Variants in YIPF4 observed in about 807,000 individuals in gnomAD.
YIPF4 encodes protein YIPF4.
YIPF4 carries 18 observed loss-of-function variants against 29.4 expected under a neutral mutation model. That is an observed-to-expected ratio of 0.61 (90% CI 0.42 to 0.91). The LOEUF is 0.91. YIPF4 is among the 40% of genes least tolerant of loss of function. YIPF4 has a pLI of 0.00. For synonymous variants in YIPF4, 115 were observed against 104.7 expected (o/e 1.10, Z -0.60); for missense variants, 279 against 282.7 (o/e 0.99, Z 0.09).
Position 32,306,985 on chromosome 2 carries a change from TTTC to T in YIPF4, c.*1360_*1362del, listed in dbSNP as rs1283643165. The T allele has an allele frequency of 1.7e-6, 1 of 596,218 alleles. No individual in the cohort carries two copies. Among genetic ancestry groups the T allele is most frequent in the East Asian group, 8.2e-5 (1 of 12,204 alleles). The allele number at this position is 596,218 out of a possible 1,614,324, so 36.9% of individuals were successfully genotyped here. A position where few individuals can be genotyped will look rare whatever the true frequency, so the allele number is the denominator to read the frequency against. ...GTGTTATCAAGCCCAGCCGTCTTCC[TTTC>T]CCCTAATCCCAAAAGGAAAGAAAGA... On this transcript the variant is annotated 3_prime_UTR_variant, in exon 6 of 6. Transcript: ENST00000238831.
At chr2:32,297,331 G>A (rs1229275042) in intron 3 of YIPF4, among the ~76,000 whole-genome samples, 3 of 151,880 alleles carry the variant, frequency 2.0e-5, no homozygotes, top group African/African-American at 7.3e-5. Flanking sequence ...ATGTTGGTCA[G>A]GCTGGTCTTG....
At chr2:32,279,201 G>A (rs927311712) in intron 1 of YIPF4, among the ~76,000 whole-genome samples, 1 of 151,918 alleles carries the variant, frequency 6.6e-6, no homozygotes, top group Non-Finnish European at 1.5e-5. Flanking sequence ...TCGATCTCCT[G>A]ACCTCGTGAT....
chr2:32,311,379 T>C lies in YIPF4; in HGVS notation c.*5753T>C, dbSNP rs1208920945. 6.6e-6 allele frequency: 1 copy of C among 152,144 alleles called. No individual in the cohort carries two copies. Among genetic ancestry groups the C allele is most frequent in the East Asian group, 1.9e-4 (1 of 5,192 alleles). The allele number at this position is 152,144 out of a possible 1,614,324, so 9.4% of individuals were successfully genotyped here. On this transcript the variant is annotated 3_prime_UTR_variant, in exon 6 of 6. Coordinates refer to ENST00000238831, the MANE Select transcript of YIPF4 (RefSeq NM_032312.4). ...TCTTTTGATATGCTGAGGTTACAGT[T>C]TGGAGGTTACATTAGAGAAAGAATA...
chr2:32,279,222 C>T (rs913231947), intron 1 of YIPF4, among the ~76,000 whole-genome samples: 13 of 152,128 alleles, frequency 8.5e-5, no homozygotes, highest in Non-Finnish European at 1.6e-4. Context: ...CCGCCCGCCT[C>T]GGCCTCCCAA....
rs1307331906 is a variant in YIPF4, at chr2:32,307,556, T to A, written c.*1930T>A. ...ACTTAGGGTTTCTATAAATACAAAT[T>A]ACAATGTTTCGAACTCAACCAGTAT... On this transcript the variant is annotated 3_prime_UTR_variant, in exon 6 of 6. Coordinates refer to ENST00000238831, the MANE Select transcript of YIPF4 (RefSeq NM_032312.4). The A allele has an allele frequency of 1.3e-5, 2 of 153,370 alleles. No homozygotes were observed. Among genetic ancestry groups the A allele is most frequent in the Non-Finnish European group, 2.9e-5 (2 of 68,922 alleles). The allele number at this position is 153,370 out of a possible 1,614,324, so 9.5% of individuals were successfully genotyped here.
chr2:32,301,563 C>G (rs1259122006), intron 5 of YIPF4, 68 bp downstream of exon 5: 3 of 1,061,134 alleles, frequency 2.8e-6, no homozygotes, highest in Non-Finnish European at 4.2e-6. Flanking sequence ...AGGCCTCTAG[C>G]TAGGAATATT....
chr2:32,278,267 G>A (rs2030202881), intron 1 of YIPF4, 33 bp downstream of exon 1: 2 of 1,528,644 alleles, frequency 1.3e-6, no homozygotes, highest in African/African-American at 1.4e-5. Flanking sequence ...GCTATCACCC[G>A]GAGGAAGCCA....
In YIPF4 at chr2:32,290,936, T is replaced by G. The variant is rs1422308787; in HGVS notation, c.233+300T>G. The G allele has an allele frequency of 6.2e-5, 10 of 161,744 alleles. No homozygotes were observed. In the Admixed American group the frequency reaches 6.4e-4, roughly 10 times the overall value. 10.0% of individuals were successfully genotyped at this position (161,744 alleles called of 1,614,324 possible). On this transcript the variant is annotated intron_variant, in intron 2 of 5. Transcript: ENST00000238831. The stretch of plus-strand genomic sequence containing the variant: ...CATGCAATTTAAAAAAGCAGGGCTC[T>G]TAGGTACTAGCTGTTGAAATTAAGG...
intron 1 of YIPF4, among the ~76,000 whole-genome samples, chr2:32,281,543 C>T (rs984071828): frequency 1.3e-5 from 2 of 152,124 alleles, no homozygotes; most frequent in Non-Finnish European, 2.9e-5. Context: ...CACCCAGCCT[C>T]ATTTGTTCTT....
In YIPF4 at chr2:32,296,590, G is replaced by C. The variant is rs534969935; in HGVS notation, c.406-1644G>C. Among the ~76,000 whole-genome samples the C allele has an allele frequency of 3.6e-4, 54 of 152,074 alleles. 1 individual carries two copies. Among genetic ancestry groups the C allele is most frequent in the African/African-American group, 1.3e-3 (52 of 41,414 alleles). ...GATTTGGATTATGCATTTTTGGCAA[G>C]AATATCACAGAAGTGACATTGTCCT... is the stretch of plus-strand genomic sequence containing the variant. On this transcript the variant is annotated intron_variant, in intron 3 of 5. Coordinates refer to ENST00000238831, the MANE Select transcript of YIPF4 (RefSeq NM_032312.4).
rs773987676 is a variant in YIPF4, at chr2:32,278,246, C to T, written c.79+12C>T. 38 of 1,550,608 alleles carry T rather than the reference C, an allele frequency of 2.5e-5. No individual in the cohort carries two copies. In the Admixed American group the frequency reaches 4.3e-4, roughly 17 times the overall value. On this transcript the variant is annotated intron_variant, in intron 1 of 5. Transcript: ENST00000238831. ...AGCAGACGCGGAAGGTGAGGCTGAGCCCCTGGAAGGGCTATCACCCGGAGG... is the reference window on the plus strand; with the variant it reads ...AGCAGACGCGGAAGGTGAGGCTGAGTCCCTGGAAGGGCTATCACCCGGAGG...
At position 32,305,635 on chromosome 2, in the gene YIPF4, A is replaced by G. The variant is rs369230593; in HGVS notation, c.*9A>G. 109 of 1,560,692 alleles carry G rather than the reference A, an allele frequency of 7.0e-5. No homozygotes were observed. The highest frequency in any genetic ancestry group is 8.8e-5 in the Non-Finnish European group (102 of 1,156,954). On this transcript the variant is annotated 3_prime_UTR_variant, in exon 6 of 6. Transcript: ENST00000238831. ...TATATACTGGTGTGTGATCCAAGTT[A>G]TACATGAATAGAAAAAGATGGTGTT...
intron 1 of YIPF4, among the ~76,000 whole-genome samples, chr2:32,280,989 ATTAC>A (rs1411423648): frequency 6.6e-6 from 1 of 152,124 alleles, no homozygotes; most frequent in Non-Finnish European, 1.5e-5. Context: ...TCCCTGAGGA[ATTAC>A]TTTTTTTAAA....
rs2031408304 is a variant in YIPF4 at position 32,301,626 on chromosome 2, C to T, written c.597+131C>T. On this transcript the variant is annotated intron_variant, in intron 5 of 5. Coordinates refer to ENST00000238831, the MANE Select transcript of YIPF4 (RefSeq NM_032312.4). The stretch of plus-strand genomic sequence containing the variant: ...TGGTAGTATTTTGGAAGTGACCTTC[C>T]TTACTGATTTTGCCAGTTATATTTC... The T allele has an allele frequency of 5.4e-6, 3 of 560,062 alleles. No individual in the cohort carries two copies. The South Asian group carries it at 9.9e-5, about 19-fold the overall frequency. The allele number at this position is 560,062 out of a possible 1,614,324, so 34.7% of individuals were successfully genotyped here. A position where few individuals can be genotyped will look rare whatever the true frequency, so the allele number is the denominator to read the frequency against.
chr2:32,296,478 A>C (rs1419504296), intron 3 of YIPF4, among the ~76,000 whole-genome samples: 2 of 151,860 alleles, frequency 1.3e-5, no homozygotes, highest in East Asian at 3.8e-4. Context: ...CTCAAAAAAA[A>C]AAAAAAGGAA....
chr2:32,300,942 C>T (rs2031383089), intron 4 of YIPF4, among the ~76,000 whole-genome samples: 1 of 152,184 alleles, frequency 6.6e-6, no homozygotes, highest in South Asian at 2.1e-4. Flanking sequence ...ATATTTTTCT[C>T]TTCAGTCTCT....
chr2:32,292,432 C>T (rs1381329293), intron 3 of YIPF4, 84 bp downstream of exon 3: 2 of 1,020,982 alleles, frequency 2.0e-6, no homozygotes. Flanking sequence ...CTGTAATATA[C>T]CATATTATGT....
Position 32,307,946 on chromosome 2 carries a change from A to C in YIPF4, c.*2320A>C, listed in dbSNP as rs961389497. 1.7e-4 allele frequency: 26 copies of C among 151,540 alleles called. No individual in the cohort carries two copies. The highest frequency in any genetic ancestry group is 2.2e-4 in the Non-Finnish European group (15 of 68,070). The allele number at this position is 151,540 out of a possible 1,614,324, so 9.4% of individuals were successfully genotyped here. ...ACTCTCTCAAAAAAAAAAAAAAAAA[A>C]AAAAAAAACCATGATTTGTAGATGT... is the stretch of plus-strand genomic sequence containing the variant. On this transcript the variant is annotated 3_prime_UTR_variant, in exon 6 of 6. Transcript: ENST00000238831.
At chr2:32,280,961 A>AT (rs1033834063) in intron 1 of YIPF4, among the ~76,000 whole-genome samples, 83 of 152,182 alleles carry the variant, frequency 5.5e-4, no homozygotes, top group Middle Eastern at 3.4e-3. Flanking sequence ...GTATTTGTTT[A>AT]TTTTTTTCAT....
Sources: allele counts gnomAD v4.1 joint callset (sites outside exome capture counted in the v4.1 genomes callset), GRCh38; gene constraint gnomAD v4.1.1; transcripts MANE v1.5; gene names NCBI Gene and HGNC (gene_info 2026-07-23, HGNC 2026-07-21).